Variants in GPC6 observed in about 807,000 individuals in gnomAD.
The protein encoded by GPC6 is glypican 6.
In GPC6, 14 loss-of-function variants were observed where a neutral mutation model predicts 55.2. That is an observed-to-expected ratio of 0.25 (90% CI 0.17 to 0.40). GPC6 has a LOEUF of 0.40. Ranked by LOEUF, GPC6 falls within the 10% of genes least tolerant of loss-of-function variation. The probability of loss-of-function intolerance (pLI) is 1.00; values close to 1 mark genes in which losing one functional copy is unlikely to be tolerated. For missense variants in GPC6, 641 were observed against 708.5 expected (o/e 0.90, Z 1.08); for synonymous variants, 278 against 259.6 (o/e 1.07, Z -0.68).
At chr13:94,363,753 C>T (rs918626102) in intron 6 of GPC6, among the ~76,000 whole-genome samples, 2 of 152,102 alleles carry the variant, frequency 1.3e-5, no homozygotes, top group Admixed American at 6.5e-5. Context: ...GAGATGAGCT[C>T]TAAGCGAAAA....
At chr13:93,739,349 G>A (rs960292026) in intron 2 of GPC6, among the ~76,000 whole-genome samples, 4 of 151,802 alleles carry the variant, frequency 2.6e-5, no homozygotes, top group African/African-American at 9.7e-5. Context: ...TTTCCTGTAT[G>A]TATTAAAGCT....
At chr13:94,199,518 A>G (rs780605840) in intron 4 of GPC6, among the ~76,000 whole-genome samples, 4 of 152,130 alleles carry the variant, frequency 2.6e-5, no homozygotes, top group African/African-American at 4.8e-5. Flanking sequence ...CGGAGTGATG[A>G]TGAGGTTTCT....
chr13:94,253,696 G>T (rs1008461888), intron 4 of GPC6, among the ~76,000 whole-genome samples: 1 of 151,958 alleles, frequency 6.6e-6, no homozygotes. Flanking sequence ...ACTACATCTG[G>T]TTAGTCATAT....
intron 1 of GPC6, among the ~76,000 whole-genome samples, chr13:93,417,764 G>A (rs1876756889): frequency 6.6e-6 from 1 of 152,012 alleles, no homozygotes; most frequent in Non-Finnish European, 1.5e-5. Flanking sequence ...TGCAAGAACA[G>A]ATTAGAACTG....
At chr13:94,116,115 T>G (rs1886421287) in intron 4 of GPC6, among the ~76,000 whole-genome samples, 1 of 152,148 alleles carries the variant, frequency 6.6e-6, no homozygotes. Context: ...TTTAGTAATT[T>G]AGTTATAAAT....
intron 1 of GPC6, among the ~76,000 whole-genome samples, chr13:93,462,973 T>C (rs1363276220): frequency 6.6e-6 from 1 of 152,158 alleles, no homozygotes; most frequent in African/African-American, 2.4e-5. Flanking sequence ...TTCTAAAGCC[T>C]TCTAGACATA....
chr13:93,489,605 A>G (rs988336730), intron 1 of GPC6, among the ~76,000 whole-genome samples: 2 of 151,628 alleles, frequency 1.3e-5, no homozygotes, highest in African/African-American at 4.8e-5. Context: ...ATCCATGAGC[A>G]TGGAATGTTC....
chr13:94,351,484 G>A (rs1409877095), intron 6 of GPC6, among the ~76,000 whole-genome samples: 2 of 152,018 alleles, frequency 1.3e-5, no homozygotes, highest in African/African-American at 4.8e-5. Context: ...GAATAACGGA[G>A]GCCTCCACAG....
intron 3 of GPC6, among the ~76,000 whole-genome samples, chr13:93,889,916 C>T (rs1202059191): frequency 6.6e-6 from 1 of 151,838 alleles, no homozygotes; most frequent in Admixed American, 6.6e-5. Context: ...TTTGAAGGAA[C>T]CAGTAATGCA....
intron 4 of GPC6, among the ~76,000 whole-genome samples, chr13:94,048,410 G>C (rs1422110260): frequency 2.0e-5 from 3 of 151,918 alleles, no homozygotes; most frequent in Non-Finnish European, 2.9e-5. Flanking sequence ...GTTAGTGTTG[G>C]ATGACATAGT....
intron 3 of GPC6, among the ~76,000 whole-genome samples, chr13:93,981,957 A>T (rs1014905820): frequency 1.7e-4 from 26 of 152,118 alleles, no homozygotes; most frequent in African/African-American, 6.3e-4. Flanking sequence ...CTAATAAATG[A>T]TGTCTTTTTT....
chr13:94,242,947 T>C (rs1413438153), intron 4 of GPC6, among the ~76,000 whole-genome samples: 1 of 139,228 alleles, frequency 7.2e-6, no homozygotes, highest in Admixed American at 7.2e-5. Context: ...TAACTAAATC[T>C]AAAAAAAAAA....
intron 1 of GPC6, among the ~76,000 whole-genome samples, chr13:93,313,118 A>T (rs117347609): frequency 1.3e-5 from 2 of 152,246 alleles, no homozygotes; most frequent in East Asian, 3.9e-4. Context: ...ATAATTCAAA[A>T]TGCCCCTATA....
At chr13:93,298,029 G>C (rs1359086362) in intron 1 of GPC6, among the ~76,000 whole-genome samples, 1 of 152,120 alleles carries the variant, frequency 6.6e-6, no homozygotes, top group Non-Finnish European at 1.5e-5. Flanking sequence ...TATACATGAA[G>C]TACTTGGAGG....
At chr13:94,178,025 A>ATTTTTTTTTTTTTTTTTTTTT (rs767978319) in intron 4 of GPC6, among the ~76,000 whole-genome samples, 42 of 132,950 alleles carry the variant, frequency 3.2e-4, no homozygotes, top group Middle Eastern at 3.9e-3. Context: ...TGGCCTTTTA[A>ATTTTTTTTTTTTTTTTTTTTT]TTTTTTTTTT....
At chr13:94,261,887 A>C (rs1368086302) in intron 4 of GPC6, among the ~76,000 whole-genome samples, 1 of 152,244 alleles carries the variant, frequency 6.6e-6, no homozygotes, top group East Asian at 1.9e-4. Flanking sequence ...ACCTGGATGT[A>C]GGCTGTTCTT....
In GPC6 at chr13:93,790,039, C is replaced by T. The variant is rs555493395; in HGVS notation, c.320-40115C>T. Among the ~76,000 whole-genome samples the T allele has an allele frequency of 9.2e-5, 14 of 152,186 alleles. No individual in the cohort carries two copies. The South Asian group carries it at 2.9e-3, about 32-fold the overall frequency. ...AATCGGTCAATTGAAAATGTGGCAA[C>T]ATGTATGATGCCATCTTCAAATGTC... On this transcript the variant is annotated intron_variant, in intron 2 of 8. Coordinates refer to ENST00000377047, the MANE Select transcript of GPC6 (RefSeq NM_005708.5).
intron 4 of GPC6, among the ~76,000 whole-genome samples, chr13:94,199,959 C>G (rs1330109807): frequency 2.6e-5 from 4 of 152,110 alleles, no homozygotes; most frequent in Non-Finnish European, 4.4e-5. Flanking sequence ...GAGTTCCAGA[C>G]CACCCTGACC....
chr13:93,483,279 C>T (rs1225665336), intron 1 of GPC6, among the ~76,000 whole-genome samples: 1 of 152,014 alleles, frequency 6.6e-6, no homozygotes, highest in Non-Finnish European at 1.5e-5. Context: ...CTCAATTAAA[C>T]CAATATATTG....
Sources: allele counts gnomAD v4.1 joint callset (sites outside exome capture counted in the v4.1 genomes callset), GRCh38; gene constraint gnomAD v4.1.1; transcripts MANE v1.5; gene names NCBI Gene and HGNC (gene_info 2026-07-23, HGNC 2026-07-21).